Variants in RFX2 observed in about 807,000 individuals in gnomAD.
RFX2 encodes regulatory factor X2.
RFX2 carries 20 observed loss-of-function variants against 87.8 expected under a neutral mutation model. The observed-to-expected ratio is 0.23, with a 90% CI of 0.16 to 0.33. The LOEUF (loss-of-function observed/expected upper bound fraction) is 0.33. Among genes scored for constraint, RFX2 ranks in the 10% least tolerant of loss-of-function variants. The pLI is 1.00. For missense variants in RFX2, 767 were observed against 1,012.3 expected, an observed-to-expected ratio of 0.76 and a Z score of 3.29; for synonymous variants, 397 against 431.3, an observed-to-expected ratio of 0.92 and a Z score of 0.98.
intron 7 of RFX2, among the ~76,000 whole-genome samples, chr19:6,014,522 A>G (rs1468030023): frequency 2.0e-5 from 3 of 152,194 alleles, no homozygotes; most frequent in Middle Eastern, 3.2e-3. Flanking sequence ...TACAGGCGTG[A>G]GCAACCATGC....
At position 6,002,227 on chromosome 19, in the gene RFX2, G is replaced by A. The variant is rs1303085468; in HGVS notation, c.1651-204C>T. On this transcript the variant is annotated intron_variant, in intron 14 of 17. Coordinates refer to ENST00000303657, the MANE Select transcript of RFX2 (RefSeq NM_000635.4). The surrounding 1 kb of genome is among the most constrained non-coding windows in gnomAD (Gnocchi z 6.7). ...AGGGGGATCGTACCCGGCTTCCGGG[G>A]ACTCATACCCAGGTCTTTCTGGATC... Among the ~76,000 whole-genome samples the A allele has an allele frequency of 1.3e-5, 2 of 152,394 alleles. No individual in the cohort carries two copies. The highest frequency in any genetic ancestry group is 3.9e-4 in the East Asian group (2 of 5,188).
chr19:6,091,365 C>G (rs1568193515), intron 1 of RFX2, among the ~76,000 whole-genome samples: 1 of 151,736 alleles, frequency 6.6e-6, no homozygotes, highest in African/African-American at 2.4e-5. Context: ...CACCTATAGT[C>G]CCAGCCCAGA....
chr19:6,068,086 T>C (rs1362562346), intron 1 of RFX2: 2 of 152,142 alleles, frequency 1.3e-5, no homozygotes, highest in Non-Finnish European at 2.9e-5. Context: ...TATGGCTAAG[T>C]GGTGATGTGG....
At position 6,062,210 on chromosome 19, in the gene RFX2, C is replaced by T. The variant is rs180819043; in HGVS notation, c.-8-14706G>A. Among the ~76,000 whole-genome samples, 1,281 of 152,242 alleles carry T rather than the reference C, an allele frequency of 8.4e-3. 9 individuals are homozygous for T. The highest frequency in any genetic ancestry group is 0.012 in the Non-Finnish European group (818 of 68,004). Reference sequence around the variant, plus strand: ...AAAACAATGAAAAACAACCAAAAAACCAAACTAGCCGAAAGAAAGAGGGAC... The same window carrying T: ...AAAACAATGAAAAACAACCAAAAAATCAAACTAGCCGAAAGAAAGAGGGAC... On this transcript the variant is annotated intron_variant, in intron 1 of 17. Transcript: ENST00000303657.
At chr19:6,053,464 G>A (rs1599885568) in intron 1 of RFX2, among the ~76,000 whole-genome samples, 1 of 152,182 alleles carries the variant, frequency 6.6e-6, no homozygotes, top group Non-Finnish European at 1.5e-5. Flanking sequence ...AACACCAACA[G>A]TGAACTCTCG....
rs1005856861 is a variant in RFX2 at position 6,021,335 on chromosome 19, C to A, written c.597+4828G>T. On this transcript the variant is annotated intron_variant, in intron 6 of 17. Transcript: ENST00000303657. The surrounding 1 kb of genome is among the most constrained non-coding windows in gnomAD (Gnocchi z 5.7). Reference sequence around the variant, plus strand: ...TGCAACGGCGAATAAAAGACAAAAACCCCTGCCCCCTGGAAGCGTCCGTTC... The same window carrying A: ...TGCAACGGCGAATAAAAGACAAAAAACCCTGCCCCCTGGAAGCGTCCGTTC... Among the ~76,000 whole-genome samples, 4 of 152,220 alleles carry A rather than the reference C, an allele frequency of 2.6e-5. No homozygotes were observed. Among genetic ancestry groups the A allele is most frequent in the African/African-American group, 9.6e-5 (4 of 41,464 alleles).
At chr19:6,058,500 C>A (rs1452976912) in intron 1 of RFX2, among the ~76,000 whole-genome samples, 1 of 152,050 alleles carries the variant, frequency 6.6e-6, no homozygotes, top group Non-Finnish European at 1.5e-5. Context: ...TGAAGGCTAC[C>A]CACACATTCC....
Position 6,010,273 on chromosome 19 carries a change from C to T in RFX2, c.900-22G>A, listed in dbSNP as rs1359360834. ...GTACCTAGGCCAGGAACACGCATAC[C>T]ATCATGAGGCCCAGCAGCCCTGCTG... On this transcript the variant is annotated intron_variant, in intron 8 of 17. Transcript: ENST00000303657. The surrounding 1 kb of genome is among the most constrained non-coding windows in gnomAD (Gnocchi z 5.0). The T allele has an allele frequency of 1.4e-6, 2 of 1,480,462 alleles. No individual in the cohort carries two copies. The highest frequency in any genetic ancestry group is 3.9e-5 in the Admixed American group (2 of 50,926). The allele number at this position is 1,480,462 out of a possible 1,614,324, so 91.7% of individuals were successfully genotyped here. A position where few individuals can be genotyped will look rare whatever the true frequency, so the allele number is the denominator to read the frequency against.
intron 5 of RFX2, among the ~76,000 whole-genome samples, chr19:6,037,834 C>T (rs2087044871): frequency 1.3e-5 from 2 of 152,076 alleles, no homozygotes; most frequent in South Asian, 4.1e-4. Flanking sequence ...TGGAATAGGA[C>T]ACTCTGAAAT....
Position 6,072,783 on chromosome 19 carries a change from T to C in RFX2, c.-8-25279A>G, listed in dbSNP as rs2087627391. Reference sequence around the variant, plus strand: ...AAAAAAAAGGCCCCTCTCTCTTCAGTGCTGCCTACGGAGGTGGCAGCTGTC... The same window carrying C: ...AAAAAAAAGGCCCCTCTCTCTTCAGCGCTGCCTACGGAGGTGGCAGCTGTC... On this transcript the variant is annotated intron_variant, in intron 1 of 17. Transcript: ENST00000303657. 4 of 760,074 alleles carry C rather than the reference T, an allele frequency of 5.3e-6. No individual in the cohort carries two copies. The African/African-American group carries it at 5.3e-5, about 10-fold the overall frequency. The allele number at this position is 760,074 out of a possible 1,614,324, so 47.1% of individuals were successfully genotyped here. A position where few individuals can be genotyped will look rare whatever the true frequency, so the allele number is the denominator to read the frequency against.
Position 6,013,191 on chromosome 19 carries a change from C to CT in RFX2, c.780-87dup, listed in dbSNP as rs889626638. 78,955 of 1,016,182 alleles carry CT rather than the reference C, an allele frequency of 0.078. 17 individuals carry two copies. The highest frequency in any genetic ancestry group is 0.14 in the East Asian group (4,026 of 28,166). 62.9% of individuals were successfully genotyped at this position (1,016,182 alleles called of 1,614,324 possible). Reference sequence around the variant, plus strand: ...TTGGGATTCTTTTTCTTTCTTTCTTCTTTTTTTTTTTTGAGACAGAATCTC... The same window carrying CT: ...TTGGGATTCTTTTTCTTTCTTTCTTCTTTTTTTTTTTTTGAGACAGAATCTC... On this transcript the variant is annotated intron_variant, in intron 7 of 17. Coordinates refer to ENST00000303657, the MANE Select transcript of RFX2 (RefSeq NM_000635.4). This position sits in a 1 kb window ranked among gnomAD's most constrained non-coding sequence, Gnocchi z 4.1.
Position 6,002,759 on chromosome 19 carries a change from G to C in RFX2, c.1612C>G (p.Leu538Val), listed in dbSNP as rs1675710073. 6.2e-7 allele frequency: 1 copy of C among 1,613,882 alleles called. No individual in the cohort carries two copies. The highest frequency in any genetic ancestry group is 1.3e-5 in the African/African-American group (1 of 74,942). The change falls in exon 14 of 18, where the codon CTC becomes GTC. Residue 538 changes from leucine (L) to valine (V), a missense_variant. Leu to Val is a conservative substitution (Grantham distance 32). Around this residue, in one of 2 missense-constraint regions of RFX2, gnomAD observed 621 missense variants for 873.0 expected, o/e 0.71. Coordinates refer to ENST00000303657, the MANE Select transcript of RFX2 (RefSeq NM_000635.4). This position sits in a 1 kb window ranked among gnomAD's most constrained non-coding sequence, Gnocchi z 6.7. ...AAGTCCACGCGGTTGAGGTCGCTGA[G>C]CATCTGGTTGATCTGGGACGTGTTC... Reference protein sequence around the residue: ...LQNTSQINQMLSDLNRVDFAN... With the variant: ...LQNTSQINQMVSDLNRVDFAN...
Position 6,021,106 on chromosome 19 carries a change from C to T in RFX2, c.598-4835G>A, listed in dbSNP as rs951237413. 2.6e-5 allele frequency among the ~76,000 whole-genome samples: 4 copies of T among 152,168 alleles called. No individual in the cohort carries two copies. Among genetic ancestry groups the T allele is most frequent in the African/African-American group, 9.7e-5 (4 of 41,438 alleles). ...TCTCCTAAGATACTTGTTTCTATTC[C>T]TGGGGGCAAATTTGCCTGACACTGG... On this transcript the variant is annotated intron_variant, in intron 6 of 17. Coordinates refer to ENST00000303657, the MANE Select transcript of RFX2 (RefSeq NM_000635.4). The surrounding 1 kb of genome is among the most constrained non-coding windows in gnomAD (Gnocchi z 5.7).
intron 1 of RFX2, among the ~76,000 whole-genome samples, chr19:6,070,897 T>C (rs761778222): frequency 8.5e-5 from 13 of 152,112 alleles, no homozygotes; most frequent in Non-Finnish European, 1.8e-4. Context: ...AACAAACAAA[T>C]TGTAGTAGCA....
chr19:6,025,238 C>T (rs535465240), intron 6 of RFX2, among the ~76,000 whole-genome samples: 62 of 152,166 alleles, frequency 4.1e-4, no homozygotes, highest in Non-Finnish European at 7.4e-4. Flanking sequence ...AAAGACGGAG[C>T]CTGCCACGTC....
intron 1 of RFX2, among the ~76,000 whole-genome samples, chr19:6,057,508 G>A (rs965092302): frequency 6.6e-6 from 1 of 152,146 alleles, no homozygotes; most frequent in Non-Finnish European, 1.5e-5. Flanking sequence ...GCCTCACATA[G>A]TTCAGATCAG....
chr19:6,084,589 A>G (rs1157764127), intron 1 of RFX2, among the ~76,000 whole-genome samples: 1 of 149,442 alleles, frequency 6.7e-6, no homozygotes, highest in African/African-American at 2.5e-5. Context: ...GACTCTAGGG[A>G]CCTCCTAGGG....
At chr19:6,099,047 AAGG>A (rs1455031720) in intron 1 of RFX2, among the ~76,000 whole-genome samples, 1 of 152,106 alleles carries the variant, frequency 6.6e-6, no homozygotes, top group Non-Finnish European at 1.5e-5. Flanking sequence ...TCAGAGCAAA[AAGG>A]AGAATTCATT....
Position 6,002,846 on chromosome 19 carries a change from G to A in RFX2, c.1525C>T (p.Gln509Ter). 1 of 1,611,124 alleles carries A rather than the reference G, an allele frequency of 6.2e-7. No homozygotes were observed. The highest frequency in any genetic ancestry group is 1.3e-5 in the African/African-American group (1 of 75,042). Reference protein sequence around the residue: ...TKVGVVSAFAQTLRRYTSLNH... With the variant: ...TKVGVVSAFA ...AGGGACGTGTAGCGCCGCAGCGTCTGGGCGAAGGCACTGACGACGCCCACC... is the reference window on the plus strand; with the variant it reads ...AGGGACGTGTAGCGCCGCAGCGTCTAGGCGAAGGCACTGACGACGCCCACC... Residue 509 changes from glutamine (Q) to a stop codon, truncating the protein, a stop_gained, in exon 14 of 18, where the codon CAG becomes TAG. Coordinates refer to ENST00000303657, the MANE Select transcript of RFX2 (RefSeq NM_000635.4). LOFTEE classifies it high-confidence loss of function. This position sits in a 1 kb window ranked among gnomAD's most constrained non-coding sequence, Gnocchi z 6.7.
Sources: allele counts gnomAD v4.1 joint callset (sites outside exome capture counted in the v4.1 genomes callset), GRCh38; gene constraint gnomAD v4.1.1; regional missense constraint gnomAD v4.1.1; non-coding constraint Gnocchi (gnomAD v3.1); transcripts MANE v1.5; gene names NCBI Gene and HGNC (gene_info 2026-07-23, HGNC 2026-07-21).